TNPO1: variants seen among roughly 807,000 people sequenced by gnomAD.
The protein encoded by TNPO1 is transportin 1, also known as transportin-1.
In TNPO1, 8 loss-of-function variants were observed where a neutral mutation model predicts 119.5. The ratio of observed to expected loss-of-function variants is 0.07; its 90% CI spans 0.04 to 0.12. TNPO1 has a LOEUF of 0.12. Ranked by LOEUF, TNPO1 falls within the 10% of genes least tolerant of loss-of-function variation. The pLI is 1.00. For missense variants in TNPO1, 576 were observed against 1,089.8 expected (o/e 0.53, Z 6.64); for synonymous variants, 362 against 363.0 (o/e 1.00, Z 0.03).
At chr5:72,888,372 G>A in intron 13 of TNPO1, 69 bp downstream of exon 13, 4 of 1,345,960 alleles carry the variant, frequency 3.0e-6, no homozygotes, top group South Asian at 1.3e-5. Flanking sequence ...TTCTGATGGA[G>A]TGTTGGTGTT....
intron 21 of TNPO1, 60 bp downstream of exon 21, chr5:72,900,141 T>C: frequency 7.1e-7 from 1 of 1,416,202 alleles, no homozygotes; most frequent in Admixed American, 1.7e-5. Context: ...TTTCTCTATC[T>C]CACTTTTAGA....
At chr5:72,894,237 T>A (rs999074350) in intron 18 of TNPO1, among the ~76,000 whole-genome samples, 25 of 151,428 alleles carry the variant, frequency 1.7e-4, no homozygotes, top group African/African-American at 5.1e-4. Context: ...GAGACTAGCA[T>A]AGCATTTGTC....
intron 4 of TNPO1, among the ~76,000 whole-genome samples, chr5:72,857,849 C>T (rs1746126063): frequency 6.6e-6 from 1 of 152,192 alleles, no homozygotes; most frequent in East Asian, 1.9e-4. Context: ...GTTTTATCTC[C>T]TAATGAGTAC....
At chr5:72,864,007 A>G (rs1243869073) in intron 5 of TNPO1, among the ~76,000 whole-genome samples, 1 of 152,206 alleles carries the variant, frequency 6.6e-6, no homozygotes, top group Non-Finnish European at 1.5e-5. Flanking sequence ...TGAACTAAAG[A>G]TAGTGGTTTT....
At chr5:72,868,568 T>C (rs1487613612) in intron 6 of TNPO1, among the ~76,000 whole-genome samples, 3 of 152,070 alleles carry the variant, frequency 2.0e-5, no homozygotes, top group Non-Finnish European at 4.4e-5. Context: ...TTATAGTCCC[T>C]TCTCCCCATC....
In TNPO1 at chr5:72,860,130, T is replaced by C. The variant is rs1746319257; in HGVS notation, c.356-1678T>C. On this transcript the variant is annotated intron_variant, in intron 4 of 24. Transcript: ENST00000337273. ...TTCTAGATTCTTTTTTAGTTCTTTA[T>C]CATTGAGAGCAACCTTCTCAGAACT... is the stretch of plus-strand genomic sequence containing the variant. Among the ~76,000 whole-genome samples, 3 of 152,326 alleles carry C rather than the reference T, an allele frequency of 2.0e-5. No individual in the cohort carries two copies. The South Asian group carries it at 6.2e-4, about 32-fold the overall frequency.
intron 1 of TNPO1, among the ~76,000 whole-genome samples, chr5:72,831,737 AT>A (rs911287243): frequency 6.6e-6 from 1 of 151,760 alleles, no homozygotes; most frequent in East Asian, 1.9e-4. Flanking sequence ...AGTTGAATCC[AT>A]TTTTTTTATA....
At chr5:72,873,433 T>A (rs1269290849) in intron 7 of TNPO1, among the ~76,000 whole-genome samples, 1 of 152,070 alleles carries the variant, frequency 6.6e-6, no homozygotes, top group African/African-American at 2.4e-5. Context: ...GGGGGTTACG[T>A]TACTTTTTTT....
Position 72,877,359 on chromosome 5 carries a change from T to A in TNPO1, c.920+13T>A. On this transcript the variant is annotated intron_variant, in intron 9 of 24. Transcript: ENST00000337273. Reference sequence around the variant, plus strand: ...GGCATCTTCCTAAGTAAGTGTTCCCTCTTATAAATGCTGCCTTGTTCTTTA... The same window carrying A: ...GGCATCTTCCTAAGTAAGTGTTCCCACTTATAAATGCTGCCTTGTTCTTTA... 7.6e-7 allele frequency: 1 copy of A among 1,318,970 alleles called. No homozygotes were observed. The highest frequency in any genetic ancestry group is 1.1e-6 in the Non-Finnish European group (1 of 925,064). The allele number at this position is 1,318,970 out of a possible 1,614,324, so 81.7% of individuals were successfully genotyped here.
intron 1 of TNPO1, among the ~76,000 whole-genome samples, chr5:72,841,711 C>T (rs866499906): frequency 6.6e-6 from 1 of 152,118 alleles, no homozygotes; most frequent in African/African-American, 2.4e-5. Flanking sequence ...CGTTTTGATT[C>T]ATCATTAGGT....
rs3822521 is a variant in TNPO1, at chr5:72,872,774, G to A, written c.678+54G>A. ...CCCCCCAGCTTTTTTTTTTTGAGAA[G>A]GTTAGGTGATGCTAACTGCATGTAG... is the stretch of plus-strand genomic sequence containing the variant. On this transcript the variant is annotated intron_variant, in intron 7 of 24. Transcript: ENST00000337273. The A allele has an allele frequency of 9.9e-4, 1,136 of 1,152,824 alleles. 20 individuals carry two copies. The East Asian group carries it at 0.022, about 22-fold the overall frequency. The allele number at this position is 1,152,824 out of a possible 1,614,324, so 71.4% of individuals were successfully genotyped here.
rs754809873 is a variant in TNPO1, at chr5:72,903,790, A to G, written c.2589+7A>G. ...CAGAGACATGTTCTGTAAGGTAACT[A>G]ATAAGTCTTTATAATGCATCATCTT... is the stretch of plus-strand genomic sequence containing the variant. On this transcript the variant is annotated splice_region_variant and intron_variant, in intron 23 of 24. Transcript: ENST00000337273. 5 of 1,579,194 alleles carry G rather than the reference A, an allele frequency of 3.2e-6. No homozygotes were observed. The highest frequency in any genetic ancestry group is 4.3e-6 in the Non-Finnish European group (5 of 1,154,430).
At chr5:72,876,648 T>G (rs1372397884) in intron 8 of TNPO1, among the ~76,000 whole-genome samples, 1 of 152,168 alleles carries the variant, frequency 6.6e-6, no homozygotes, top group African/African-American at 2.4e-5. Flanking sequence ...AGGCTTAATA[T>G]TTGATTAACA....
rs373668835 is a variant in TNPO1, at chr5:72,822,661, C to T, written c.15+5909C>T. ...AGGCTGGAGTGCAGTGGCATGATTTCGGCTCACTGCAACCTCTGCCTCCTG... is the reference window on the plus strand; with the variant it reads ...AGGCTGGAGTGCAGTGGCATGATTTTGGCTCACTGCAACCTCTGCCTCCTG... On this transcript the variant is annotated intron_variant, in intron 1 of 24. Coordinates refer to ENST00000337273, the MANE Select transcript of TNPO1 (RefSeq NM_002270.4). 2.9e-5 allele frequency among the ~76,000 whole-genome samples: 4 copies of T among 136,000 alleles called. No homozygotes were observed. The South Asian group carries it at 9.3e-4, about 31-fold the overall frequency. 89.2% of individuals were successfully genotyped at this position (136,000 alleles called of 152,430 possible).
intron 1 of TNPO1, among the ~76,000 whole-genome samples, chr5:72,827,684 T>C (rs1744265028): frequency 6.6e-6 from 1 of 152,006 alleles, no homozygotes; most frequent in South Asian, 2.1e-4. Context: ...GAGATTGGAA[T>C]GGGTTGGAGA....
At chr5:72,893,321 C>A (rs1459325484) in intron 16 of TNPO1, 56 bp from the exon 17 acceptor site, 18 of 1,604,786 alleles carry the variant, frequency 1.1e-5, no homozygotes, top group Non-Finnish European at 1.4e-5. Context: ...TGTATACAGA[C>A]TTTTTAAGTA....
chr5:72,899,554 G>C (rs183138033), intron 20 of TNPO1, among the ~76,000 whole-genome samples: 19 of 152,186 alleles, frequency 1.2e-4, no homozygotes, highest in African/African-American at 4.6e-4. Flanking sequence ...TGAGATGCTT[G>C]AGAAATATAA....
intron 1 of TNPO1, 88 bp downstream of exon 1, chr5:72,816,840 AG>A: frequency 6.8e-7 from 1 of 1,462,350 alleles, no homozygotes; most frequent in Non-Finnish European, 9.2e-7. Context: ...CCTACGGGAG[AG>A]ACGCCGGGCT....
chr5:72,869,329 C>T (rs2112352712), intron 6 of TNPO1, among the ~76,000 whole-genome samples: 1 of 152,102 alleles, frequency 6.6e-6, no homozygotes, highest in East Asian at 1.9e-4. Context: ...AGTGGATCAC[C>T]TGAGGTCAGG....
Sources: gnomAD v4.1 joint callset for allele counts (sites outside exome capture counted in the v4.1 genomes callset) on GRCh38, gnomAD v4.1.1 for gene constraint, MANE v1.5 for transcripts, NCBI Gene and HGNC (gene_info 2026-07-23, HGNC 2026-07-21) for gene names.